The following CTNNA2 variants were observed in gnomAD, a reference collection of about 807,000 sequenced individuals.
CTNNA2 encodes the protein catenin alpha 2.
CTNNA2 carries 42 observed loss-of-function variants against 101.0 expected under a neutral mutation model. The ratio of observed to expected loss-of-function variants is 0.42; its 90% CI spans 0.32 to 0.54. CTNNA2 has a LOEUF of 0.54. Among genes scored for constraint, CTNNA2 ranks in the 20% least tolerant of loss-of-function variants. The pLI, the probability that CTNNA2 is intolerant of heterozygous loss-of-function variation, is 0.14. For synonymous variants in CTNNA2, 450 were observed against 456.4 expected (o/e 0.99, Z 0.18); for missense variants, 871 against 1,223.1 (o/e 0.71, Z 4.29).
intron 9 of CTNNA2, among the ~76,000 whole-genome samples, chr2:80,480,271 G>A (rs1283444255): frequency 6.6e-6 from 1 of 151,930 alleles, no homozygotes; most frequent in Non-Finnish European, 1.5e-5. Flanking sequence ...TCTACCAGAG[G>A]TGAGAAGGCA....
At chr2:80,199,539 G>C (rs1053043994) in intron 7 of CTNNA2, among the ~76,000 whole-genome samples, 1 of 152,234 alleles carries the variant, frequency 6.6e-6, no homozygotes, top group South Asian at 2.1e-4. Flanking sequence ...AGTTTGTCCA[G>C]ATTAATGCCT....
chr2:80,015,592 G>A (rs767590664), intron 7 of CTNNA2, among the ~76,000 whole-genome samples: 6 of 152,122 alleles, frequency 3.9e-5, no homozygotes, highest in Non-Finnish European at 7.3e-5. Context: ...GACGTGGAAT[G>A]GGGAGTTGGG....
chr2:79,283,302 C>T (rs1349070066), intron 2 of CTNNA2, among the ~76,000 whole-genome samples: 2 of 111,880 alleles, frequency 1.8e-5, no homozygotes, highest in African/African-American at 2.7e-5. Flanking sequence ...GTTGCCATTG[C>T]TTTTGGTGTT....
rs1362725882 is a variant in CTNNA2, at chr2:79,602,437, CT to C, written c.-5-49111del. On this transcript the variant is annotated intron_variant, in intron 1 of 18. Transcript: ENST00000402739. ...AAATACAGTTATAAAGGCAAGGAATCTTTTCTTTAAAATCAGGAGAAAATGA... is the reference window on the plus strand; with the variant it reads ...AAATACAGTTATAAAGGCAAGGAATCTTTCTTTAAAATCAGGAGAAAATGA... 2.0e-5 allele frequency among the ~76,000 whole-genome samples: 3 copies of C among 151,996 alleles called. No individual in the cohort carries two copies. The East Asian group carries it at 5.8e-4, about 29-fold the overall frequency.
intron 7 of CTNNA2, among the ~76,000 whole-genome samples, chr2:80,195,641 C>A (rs1706779819): frequency 6.9e-6 from 1 of 144,834 alleles, no homozygotes; most frequent in Non-Finnish European, 1.5e-5. Context: ...AGAATAGAAG[C>A]AATATGATTT....
At chr2:79,434,859 G>A (rs145541158) in intron 4 of CTNNA2, among the ~76,000 whole-genome samples, 1 of 152,140 alleles carries the variant, frequency 6.6e-6, no homozygotes, top group Non-Finnish European at 1.5e-5. Context: ...AATCTAGGCA[G>A]ACCAACATGG....
At chr2:79,469,397 A>G (rs1410531770) in intron 4 of CTNNA2, among the ~76,000 whole-genome samples, 1 of 152,208 alleles carries the variant, frequency 6.6e-6, no homozygotes, top group Non-Finnish European at 1.5e-5. Context: ...ATAGCCTACC[A>G]ACCAAAAAAG....
At chr2:79,593,078 G>T (rs533788979) in intron 1 of CTNNA2, among the ~76,000 whole-genome samples, 16 of 152,278 alleles carry the variant, frequency 1.1e-4, no homozygotes, top group Admixed American at 5.2e-4. Flanking sequence ...TGACAAAATG[G>T]AATTATATAT....
chr2:79,798,268 G>A (rs1316837769), intron 3 of CTNNA2, among the ~76,000 whole-genome samples: 1 of 152,078 alleles, frequency 6.6e-6, no homozygotes, highest in African/African-American at 2.4e-5. Context: ...CCTAGGCATC[G>A]GACTCCTACT....
At chr2:79,436,893 A>T in intron 4 of CTNNA2, among the ~76,000 whole-genome samples, 1 of 152,000 alleles carries the variant, frequency 6.6e-6, no homozygotes, top group African/African-American at 2.4e-5. Flanking sequence ...GGCCTCCCAA[A>T]GTGCTGGGAT....
chr2:80,556,301 A>C (rs1693020764), intron 12 of CTNNA2, among the ~76,000 whole-genome samples: 1 of 152,210 alleles, frequency 6.6e-6, no homozygotes, highest in African/African-American at 2.4e-5. Flanking sequence ...GGAATCTGTA[A>C]TTTAACCTTT....
rs543706344 is a variant in CTNNA2, at chr2:79,207,598, G to A, written c.-406+9522G>A. 1.4e-4 allele frequency among the ~76,000 whole-genome samples: 21 copies of A among 152,262 alleles called. No individual in the cohort carries two copies. In the South Asian group the frequency reaches 2.5e-3, roughly 18 times the overall value. ...AATGACACAAAAGGCAGTGAACTACGTACCAACATTTGTGAAGAAAGTTTC... is the reference window on the plus strand; with the variant it reads ...AATGACACAAAAGGCAGTGAACTACATACCAACATTTGTGAAGAAAGTTTC... On this transcript the variant is annotated intron_variant, in intron 2 of 21. Transcript: ENST00000466387.
intron 9 of CTNNA2, among the ~76,000 whole-genome samples, chr2:80,501,984 G>T (rs1392665351): frequency 2.0e-5 from 3 of 152,088 alleles, no homozygotes; most frequent in African/African-American, 7.2e-5. Context: ...CTCCAAGTTT[G>T]TTATAACACA....
At chr2:80,486,667 GT>G (rs1473631112) in intron 9 of CTNNA2, among the ~76,000 whole-genome samples, 1 of 152,086 alleles carries the variant, frequency 6.6e-6, no homozygotes, top group East Asian at 1.9e-4. Context: ...TTTGGAATCA[GT>G]TTTTTCATGA....
intron 2 of CTNNA2, among the ~76,000 whole-genome samples, chr2:79,724,856 A>ATGAG (rs1686727377): frequency 6.6e-6 from 1 of 150,844 alleles, no homozygotes; most frequent in Non-Finnish European, 1.5e-5. Flanking sequence ...AAAAGAAATA[A>ATGAG]TGAGTGAGTT....
At chr2:80,181,791 T>C (rs1036737427) in intron 7 of CTNNA2, among the ~76,000 whole-genome samples, 1 of 152,230 alleles carries the variant, frequency 6.6e-6, no homozygotes, top group African/African-American at 2.4e-5. Flanking sequence ...ATCAGGAGTA[T>C]CAAATGAATT....
At chr2:80,508,217 A>G (rs1688422605) in intron 9 of CTNNA2, among the ~76,000 whole-genome samples, 1 of 152,206 alleles carries the variant, frequency 6.6e-6, no homozygotes, top group South Asian at 2.1e-4. Flanking sequence ...CCGTAATTCT[A>G]GCACTTTGGG....
In CTNNA2 at chr2:79,218,351, A is replaced by ATT. The variant is rs58900850; in HGVS notation, c.-406+20288_-406+20289dup. On this transcript the variant is annotated intron_variant, in intron 2 of 21. Coordinates refer to the CTNNA2 transcript ENST00000466387. The stretch of plus-strand genomic sequence containing the variant: ...TGTGTGTGTGTGTGTGTGTGTGTGT[A>ATT]TTTTTTTTTTTTTTAGAGACAGGAT... Among the ~76,000 whole-genome samples the ATT allele has an allele frequency of 3.2e-3, 369 of 116,738 alleles. 4 individuals carry two copies. The highest frequency in any genetic ancestry group is 0.011 in the African/African-American group (324 of 30,500). 76.6% of individuals were successfully genotyped at this position (116,738 alleles called of 152,430 possible).
chr2:79,946,431 G>A lies in CTNNA2; in HGVS notation c.1056+36634G>A, dbSNP rs115631119. Among the ~76,000 whole-genome samples, 321 of 152,216 alleles carry A rather than the reference G, an allele frequency of 2.1e-3. 1 individual carries two copies. The highest frequency in any genetic ancestry group is 7.2e-3 in the African/African-American group (298 of 41,540). ...AACTGAGAGTCTATTACTTTAAACC[G>A]AACACTGAGTCATTACTTTGCCCCA... On this transcript the variant is annotated intron_variant, in intron 7 of 18. Coordinates refer to ENST00000402739, the MANE Select transcript of CTNNA2 (RefSeq NM_001282597.3).
Sources: gnomAD v4.1 joint callset for allele counts (sites outside exome capture counted in the v4.1 genomes callset) on GRCh38, gnomAD v4.1.1 for gene constraint, MANE v1.5 for transcripts, NCBI Gene and HGNC (gene_info 2026-07-23, HGNC 2026-07-21) for gene names.